Variants in CDK14 observed in about 807,000 individuals in gnomAD.
The protein encoded by CDK14 is cyclin dependent kinase 14.
A neutral mutation model predicts 60.7 loss-of-function variants in CDK14; 34 were observed. That is an observed-to-expected ratio of 0.56 (90% CI 0.43 to 0.75). CDK14 has a LOEUF of 0.75. Among genes scored for constraint, CDK14 ranks in the 30% least tolerant of loss-of-function variants. The pLI, the probability that CDK14 is intolerant of heterozygous loss-of-function variation, is 0.00. For synonymous variants in CDK14, 197 were observed against 203.7 expected, an observed-to-expected ratio of 0.97 and a Z score of 0.28; for missense variants, 482 against 564.1, an observed-to-expected ratio of 0.85 and a Z score of 1.47.
At chr7:90,847,517 C>G (rs1035629290) in intron 5 of CDK14, among the ~76,000 whole-genome samples, 1 of 152,110 alleles carries the variant, frequency 6.6e-6, no homozygotes, top group Admixed American at 6.6e-5. Context: ...GCTCTGTTTT[C>G]TTCCACATGG....
intron 14 of CDK14, among the ~76,000 whole-genome samples, chr7:91,147,512 G>C (rs1166285769): frequency 2.0e-5 from 3 of 152,052 alleles, no homozygotes; most frequent in African/African-American, 7.2e-5. Flanking sequence ...CTTGTCAAGG[G>C]CTTTCTGAAA....
intron 5 of CDK14, among the ~76,000 whole-genome samples, chr7:90,815,266 A>G (rs556553297): frequency 1.1e-4 from 16 of 152,338 alleles, no homozygotes; most frequent in African/African-American, 2.9e-4. Context: ...TTGTGTTTCA[A>G]TATAATTTAA....
intron 5 of CDK14, among the ~76,000 whole-genome samples, chr7:90,818,043 G>A (rs1789413944): frequency 6.6e-6 from 1 of 152,140 alleles, no homozygotes; most frequent in Admixed American, 6.6e-5. Flanking sequence ...CTGCTTCCCG[G>A]AGGCAGGATT....
intron 2 of CDK14, among the ~76,000 whole-genome samples, chr7:90,610,165 C>A (rs1799509914): frequency 6.6e-6 from 1 of 152,146 alleles, no homozygotes. Flanking sequence ...CCCATAGTTC[C>A]TTCCCTGATC....
chr7:90,750,847 T>C (rs1248188661), intron 4 of CDK14, among the ~76,000 whole-genome samples: 2 of 151,028 alleles, frequency 1.3e-5, no homozygotes, highest in Non-Finnish European at 2.9e-5. Flanking sequence ...CACTCCAGCC[T>C]GGGCAACAGA....
At chr7:91,102,223 T>C (rs1799166171) in intron 12 of CDK14, among the ~76,000 whole-genome samples, 1 of 152,206 alleles carries the variant, frequency 6.6e-6, no homozygotes, top group South Asian at 2.1e-4. Context: ...AGTATGAGTA[T>C]AGACCCTCTG....
At chr7:91,097,247 G>A (rs766827968) in intron 12 of CDK14, among the ~76,000 whole-genome samples, 4 of 151,916 alleles carry the variant, frequency 2.6e-5, no homozygotes, top group East Asian at 1.9e-4. Context: ...TGGGTGTGGC[G>A]GCAGGCACTT....
chr7:91,061,698 G>C (rs1004796946), intron 11 of CDK14, among the ~76,000 whole-genome samples: 3 of 152,210 alleles, frequency 2.0e-5, no homozygotes, highest in African/African-American at 7.2e-5. Flanking sequence ...ATCAGCAGCA[G>C]AGGCTGCAGA....
intron 5 of CDK14, among the ~76,000 whole-genome samples, chr7:90,809,269 G>A (rs1029823354): frequency 6.6e-5 from 10 of 152,162 alleles, no homozygotes; most frequent in African/African-American, 1.9e-4. Flanking sequence ...ATAACAAACT[G>A]TCTCTCAGAC....
intron 4 of CDK14, among the ~76,000 whole-genome samples, chr7:90,780,750 C>G (rs1235316811): frequency 2.0e-5 from 3 of 151,932 alleles, no homozygotes; most frequent in Non-Finnish European, 2.9e-5. Context: ...TTATATGGCT[C>G]CATAGTATTC....
chr7:91,158,307 C>T (rs897443412), intron 14 of CDK14, among the ~76,000 whole-genome samples: 8 of 151,870 alleles, frequency 5.3e-5, no homozygotes, highest in African/African-American at 1.2e-4. Context: ...CGACCTCCCG[C>T]GCTCAAGCAT....
chr7:90,627,371 G>T (rs1345869096), intron 2 of CDK14, among the ~76,000 whole-genome samples: 1 of 151,978 alleles, frequency 6.6e-6, no homozygotes, highest in Non-Finnish European at 1.5e-5. Context: ...CACCACACCT[G>T]GCTAAGTTTT....
chr7:90,797,692 T>G (rs973146127), intron 5 of CDK14, among the ~76,000 whole-genome samples: 1 of 151,914 alleles, frequency 6.6e-6, no homozygotes, highest in Non-Finnish European at 1.5e-5. Context: ...TCAGGAAACT[T>G]TCAATCATCC....
rs184066986 is a variant in CDK14, at chr7:90,892,548, C to G, written c.640-6743C>G. 5.3e-3 allele frequency among the ~76,000 whole-genome samples: 804 copies of G among 152,136 alleles called. 7 individuals are homozygous for G. Among genetic ancestry groups the G allele is most frequent in the African/African-American group, 0.018 (758 of 41,500 alleles). ...TGTCTTTTAACAAGGGGTTATTTTT[C>G]TCTTGCTTTTTATATTGATCCAGCC... On this transcript the variant is annotated intron_variant, in intron 6 of 14. Coordinates refer to ENST00000380050, the MANE Select transcript of CDK14 (RefSeq NM_001287135.2).
At chr7:91,102,487 A>G (rs1025026771) in intron 12 of CDK14, among the ~76,000 whole-genome samples, 4 of 152,182 alleles carry the variant, frequency 2.6e-5, no homozygotes, top group Admixed American at 1.3e-4. Flanking sequence ...ATGAGCTAAA[A>G]CAATAAATTC....
At chr7:90,823,186 T>C (rs1415764148) in intron 5 of CDK14, among the ~76,000 whole-genome samples, 1 of 152,198 alleles carries the variant, frequency 6.6e-6, no homozygotes, top group Non-Finnish European at 1.5e-5. Flanking sequence ...TAGCATACAT[T>C]AATCAAAATT....
At chr7:91,116,157 A>G (rs1206483712) in intron 13 of CDK14, among the ~76,000 whole-genome samples, 1 of 152,242 alleles carries the variant, frequency 6.6e-6, no homozygotes, top group African/African-American at 2.4e-5. Flanking sequence ...ATTCTCCTGC[A>G]TATACTATCA....
At chr7:90,971,653 T>TAAAAAAAAAAAAAAAAAAAAAAAAA (rs35135401) in intron 9 of CDK14, among the ~76,000 whole-genome samples, 1 of 119,540 alleles carries the variant, frequency 8.4e-6, no homozygotes. Context: ...ATATACATAG[T>TAAAAAAAAAAAAAAAAAAAAAAAAA]AAAAAAAAAA....
At chr7:90,728,069 T>C in intron 3 of CDK14, among the ~76,000 whole-genome samples, 1 of 152,094 alleles carries the variant, frequency 6.6e-6, no homozygotes, top group East Asian at 1.9e-4. Flanking sequence ...AATAATTTTT[T>C]CTTAGACTTT....
Sources: gnomAD v4.1 joint callset for allele counts (sites outside exome capture counted in the v4.1 genomes callset) on GRCh38, gnomAD v4.1.1 for gene constraint, MANE v1.5 for transcripts, NCBI Gene and HGNC (gene_info 2026-07-23, HGNC 2026-07-21) for gene names.